Variants in CACNA1C observed in about 807,000 individuals in gnomAD.
The protein encoded by CACNA1C is voltage-dependent L-type calcium channel subunit alpha-1C.
A neutral mutation model predicts 229.0 loss-of-function variants in CACNA1C; 30 were observed. The ratio of observed to expected loss-of-function variants is 0.13; its 90% CI spans 0.10 to 0.18. The LOEUF (loss-of-function observed/expected upper bound fraction) is 0.18, where lower values mean the gene tolerates loss of function less well. CACNA1C is among the 10% of genes least tolerant of loss of function. The pLI, the probability that CACNA1C is intolerant of heterozygous loss-of-function variation, is 1.00. For missense variants in CACNA1C, 1,658 were observed against 2,845.0 expected, an observed-to-expected ratio of 0.58 and a Z score of 9.49; for synonymous variants, 1,114 against 1,132.5, an observed-to-expected ratio of 0.98 and a Z score of 0.33.
rs111832380 is a variant in CACNA1C at position 2,086,794 on chromosome 12, G to A, written c.50-28430G>A. On this transcript the variant is annotated intron_variant, in intron 1 of 46. Coordinates refer to ENST00000399655, the MANE Select transcript of CACNA1C (RefSeq NM_000719.7). ...GTGCGTGGGAGCTTCTCACTGGCCC[G>A]GCCTGGACTAGCACACCATCACTTC... 6.4e-4 allele frequency among the ~76,000 whole-genome samples: 98 copies of A among 152,162 alleles called. 1 individual carries two copies. The highest frequency in any genetic ancestry group is 3.9e-4 in the Admixed American group (6 of 15,278).
Position 2,493,282 on chromosome 12 carries a change from G to A in CACNA1C, c.1009G>A (p.Asp337Asn). The A allele has an allele frequency of 6.2e-7, 1 of 1,614,072 alleles. No homozygotes were observed. Among genetic ancestry groups the A allele is most frequent in the Non-Finnish European group, 8.5e-7 (1 of 1,179,918 alleles). The change falls in exon 7 of 47, where the codon GAT (aspartate) becomes AAT (asparagine). Residue 337 changes from aspartate to asparagine, a missense_variant. Around this residue, in one of 20 missense-constraint regions of CACNA1C, gnomAD observed 84 missense variants for 202.6 expected, o/e 0.41. Coordinates refer to ENST00000399655, the MANE Select transcript of CACNA1C (RefSeq NM_000719.7). The surrounding 1 kb of genome is among the most constrained non-coding windows in gnomAD (Gnocchi z 4.6). ...CGGCACGGTGTGCAAGCCCGGCTGG[G>A]ATGGTCCCAAGCACGGCATCACCAA... is the stretch of plus-strand genomic sequence containing the variant. The part of the protein sequence containing the change: ...QNGTVCKPGW[D>N]GPKHGITNFD...
rs574553721 is a variant in CACNA1C at position 2,325,078 on chromosome 12, C to G, written c.478-123898C>G. Among the ~76,000 whole-genome samples the G allele has an allele frequency of 2.0e-5, 3 of 152,320 alleles. No homozygotes were observed. In the South Asian group the frequency reaches 6.2e-4, roughly 32 times the overall value. On this transcript the variant is annotated intron_variant, in intron 3 of 46. Transcript: ENST00000399655. ...CTCTGCCTGGACCTGGGCTCTCTTT[C>G]CCAAGGTCTGTGCCAGCCGAGAGCC...
At chr12:2,436,052 T>C (rs1358420398) in intron 3 of CACNA1C, among the ~76,000 whole-genome samples, 4 of 152,010 alleles carry the variant, frequency 2.6e-5, no homozygotes, top group African/African-American at 9.7e-5. Context: ...GGGGCAGTGA[T>C]GGAGATGGGT....
At chr12:2,368,526 C>T (rs1377871588) in intron 3 of CACNA1C, among the ~76,000 whole-genome samples, 4 of 152,218 alleles carry the variant, frequency 2.6e-5, no homozygotes, top group South Asian at 4.2e-4. Context: ...CTATTTACAA[C>T]AATTACAAAA....
intron 9 of CACNA1C, among the ~76,000 whole-genome samples, chr12:2,528,395 T>C (rs2099830288): frequency 6.6e-6 from 1 of 152,196 alleles, no homozygotes; most frequent in South Asian, 2.1e-4. Context: ...AGGAATTCAG[T>C]TGATTCTAGC....
In CACNA1C at chr12:2,403,449, C is replaced by T. The variant is rs544708762; in HGVS notation, c.478-45527C>T. Reference sequence around the variant, plus strand: ...GAAGTCAAGGAGGAAGCTGCAGGCACGTGACTCCTGCACTGGCCTCACCTC... The same window carrying T: ...GAAGTCAAGGAGGAAGCTGCAGGCATGTGACTCCTGCACTGGCCTCACCTC... On this transcript the variant is annotated intron_variant, in intron 3 of 46. Transcript: ENST00000399655. The surrounding 1 kb of genome is among the most constrained non-coding windows in gnomAD (Gnocchi z 4.1). Among the ~76,000 whole-genome samples the T allele has an allele frequency of 1.3e-5, 2 of 152,138 alleles. No individual in the cohort carries two copies. Among genetic ancestry groups the T allele is most frequent in the East Asian group, 1.9e-4 (1 of 5,192 alleles).
intron 3 of CACNA1C, among the ~76,000 whole-genome samples, chr12:2,228,433 C>A (rs2063686113): frequency 1.3e-5 from 2 of 152,222 alleles, no homozygotes; most frequent in Non-Finnish European, 2.9e-5. Context: ...TGATCTGAAT[C>A]TCTCTGTCCT....
At chr12:2,596,345 G>C (rs563220468) in intron 20 of CACNA1C, 1 of 201,758 alleles carries the variant, frequency 5.0e-6, no homozygotes, top group Admixed American at 5.9e-5. Context: ...AGCATGCTCT[G>C]ACCAGAAGGG....
At chr12:1,984,983 CATT>C (rs940555979) in intron 1 of CACNA1C, among the ~76,000 whole-genome samples, 10 of 151,088 alleles carry the variant, frequency 6.6e-5, no homozygotes, top group Non-Finnish European at 1.3e-4. Flanking sequence ...TCATTCAAAA[CATT>C]ATTATCCTAG....
At chr12:2,668,717 C>G (rs1265180359) in intron 37 of CACNA1C, 3 of 549,424 alleles carry the variant, frequency 5.5e-6, no homozygotes, top group East Asian at 6.0e-5. Flanking sequence ...CATGAGTACT[C>G]ACTCACCAAG....
intron 3 of CACNA1C, among the ~76,000 whole-genome samples, chr12:2,344,369 A>T (rs911633380): frequency 2.0e-5 from 3 of 152,066 alleles, no homozygotes; most frequent in Non-Finnish European, 4.4e-5. Flanking sequence ...TTTTCACAGT[A>T]TCTTTGTGAA....
intron 1 of CACNA1C, among the ~76,000 whole-genome samples, chr12:2,009,104 T>A (rs2043966159): frequency 6.6e-6 from 1 of 152,246 alleles, no homozygotes. Context: ...TCCATAAGCC[T>A]CATGATGATA....
At chr12:2,272,260 A>G (rs1028825341) in intron 3 of CACNA1C, among the ~76,000 whole-genome samples, 3 of 151,878 alleles carry the variant, frequency 2.0e-5, no homozygotes, top group Admixed American at 6.6e-5. Context: ...ACTTGTTTTC[A>G]CCTCTGCCTT....
intron 3 of CACNA1C, among the ~76,000 whole-genome samples, chr12:2,201,004 T>G (rs768822011): frequency 2.6e-5 from 4 of 152,366 alleles, no homozygotes; most frequent in Admixed American, 6.5e-5. Context: ...GTATTCTTTT[T>G]TGCAATATCT....
intron 3 of CACNA1C, among the ~76,000 whole-genome samples, chr12:2,322,282 C>T (rs1301114716): frequency 6.6e-6 from 1 of 152,164 alleles, no homozygotes; most frequent in Non-Finnish European, 1.5e-5. Context: ...CAGATGAAGA[C>T]ATCTATTTTC....
chr12:2,452,153 G>C (rs1295628157), intron 4 of CACNA1C, among the ~76,000 whole-genome samples: 4 of 152,158 alleles, frequency 2.6e-5, no homozygotes, highest in Admixed American at 6.5e-5. Context: ...ACTCACCCTA[G>C]AGAAAGGTGG....
chr12:2,393,354 C>T (rs889295905), intron 3 of CACNA1C, among the ~76,000 whole-genome samples: 1 of 152,238 alleles, frequency 6.6e-6, no homozygotes, highest in Non-Finnish European at 1.5e-5. Context: ...GATTCAAACC[C>T]TGCTGGCTGG....
chr12:2,530,929 C>T (rs1270983531), intron 9 of CACNA1C, among the ~76,000 whole-genome samples: 5 of 152,208 alleles, frequency 3.3e-5, no homozygotes, highest in Non-Finnish European at 7.3e-5. Context: ...GTAAGAGTAC[C>T]GCCTCCAGGC....
At chr12:2,546,185 G>A (rs984395625) in intron 9 of CACNA1C, among the ~76,000 whole-genome samples, 1 of 152,124 alleles carries the variant, frequency 6.6e-6, no homozygotes, top group Non-Finnish European at 1.5e-5. Flanking sequence ...AGTGGCTGGT[G>A]TCTTCACACA....
Sources: allele counts gnomAD v4.1 joint callset (sites outside exome capture counted in the v4.1 genomes callset), GRCh38; gene constraint gnomAD v4.1.1; regional missense constraint gnomAD v4.1.1; non-coding constraint Gnocchi (gnomAD v3.1); transcripts MANE v1.5; gene names NCBI Gene and HGNC (gene_info 2026-07-23, HGNC 2026-07-21).